Variants in TASP1 observed in about 807,000 individuals in gnomAD.
TASP1 encodes the protein threonine aspartase 1.
Under a neutral mutation model 56.6 loss-of-function variants are expected in TASP1, and 16 were observed. The observed-to-expected ratio is 0.28, with a 90% CI of 0.19 to 0.43. The LOEUF (loss-of-function observed/expected upper bound fraction) is 0.43, where lower values mean the gene tolerates loss of function less well. Ranked by LOEUF, TASP1 falls within the 20% of genes least tolerant of loss-of-function variation. TASP1 has a pLI of 1.00. For synonymous variants in TASP1, 179 were observed against 184.2 expected (o/e 0.97, Z 0.23); for missense variants, 393 against 511.6 (o/e 0.77, Z 2.24).
intron 10 of TASP1, among the ~76,000 whole-genome samples, chr20:13,502,918 G>A (rs186254352): frequency 1.1e-4 from 16 of 152,124 alleles, no homozygotes; most frequent in African/African-American, 2.9e-4. Context: ...GACCCTTATC[G>A]CCCCTCCCCC....
chr20:13,150,566 G>A, the TASP1 span, among the ~76,000 whole-genome samples: 1 of 152,164 alleles, frequency 6.6e-6, no homozygotes, highest in South Asian at 2.1e-4. Context: ...ATAAAACCAA[G>A]GAACACTATT....
intron 12 of TASP1, among the ~76,000 whole-genome samples, chr20:13,423,830 T>G (rs1373493336): frequency 1.3e-5 from 2 of 152,240 alleles, no homozygotes. Context: ...ACAATATATA[T>G]GAAGAATTTC....
At chr20:13,558,782 A>G (rs992346501) in intron 8 of TASP1, among the ~76,000 whole-genome samples, 1 of 152,118 alleles carries the variant, frequency 6.6e-6, no homozygotes, top group African/African-American at 2.4e-5. Context: ...ACTGGTTTAA[A>G]TAAAATATAT....
chr20:13,632,364 C>CAA (rs565886595), intron 1 of TASP1, among the ~76,000 whole-genome samples: 3 of 47,948 alleles, frequency 6.3e-5, no homozygotes, highest in Non-Finnish European at 8.7e-5. Context: ...GACTCCATCT[C>CAA]AAAAAAAAAA....
At chr20:13,208,284 G>C in the TASP1 span, among the ~76,000 whole-genome samples, 27 of 152,304 alleles carry the variant, frequency 1.8e-4, no homozygotes, top group East Asian at 4.8e-3. Context: ...AAAACACACA[G>C]TAGGATCCTA....
At chr20:13,249,573 G>A in the TASP1 span, among the ~76,000 whole-genome samples, 1 of 152,200 alleles carries the variant, frequency 6.6e-6, no homozygotes, top group African/African-American at 2.4e-5. Context: ...TTTCATTTTG[G>A]AAGGAAACCC....
chr20:13,579,601 T>G (rs1024693001), intron 6 of TASP1, among the ~76,000 whole-genome samples: 2 of 152,270 alleles, frequency 1.3e-5, no homozygotes, highest in African/African-American at 4.8e-5. Flanking sequence ...TCTGCCCGCC[T>G]CAGCCTCCCA....
chr20:13,610,110 G>A (rs558136830), intron 4 of TASP1, among the ~76,000 whole-genome samples: 22 of 152,328 alleles, frequency 1.4e-4, no homozygotes, highest in African/African-American at 5.1e-4. Context: ...AGGGGGAAAG[G>A]ATAAAAGAAT....
the TASP1 span, among the ~76,000 whole-genome samples, chr20:13,155,285 C>T: frequency 1.9e-3 from 292 of 152,256 alleles, 4 homozygotes; most frequent in African/African-American, 6.5e-3. Context: ...CAACATACTA[C>T]GCATCAGATT....
At chr20:13,127,532 G>A in the TASP1 span, among the ~76,000 whole-genome samples, 1 of 152,234 alleles carries the variant, frequency 6.6e-6, no homozygotes, top group Non-Finnish European at 1.5e-5. Flanking sequence ...TTCAGTAGAA[G>A]TATGGGGTAC....
chr20:13,274,705 T>C, the TASP1 span, among the ~76,000 whole-genome samples: 1 of 146,392 alleles, frequency 6.8e-6, no homozygotes, highest in African/African-American at 2.5e-5. Context: ...CCTCTTGACT[T>C]TCAGGATAGG....
chr20:13,473,077 G>C (rs1048945933), intron 11 of TASP1, among the ~76,000 whole-genome samples: 5 of 151,978 alleles, frequency 3.3e-5, no homozygotes, highest in African/African-American at 1.2e-4. Flanking sequence ...GCAAAGATTT[G>C]GAACCAACCC....
the TASP1 span, among the ~76,000 whole-genome samples, chr20:13,149,782 T>G: frequency 7.9e-5 from 12 of 152,194 alleles, no homozygotes; most frequent in Admixed American, 7.9e-4. Flanking sequence ...TAGCTGATGA[T>G]CCAGTTTCTT....
the TASP1 span, among the ~76,000 whole-genome samples, chr20:13,176,371 A>G: frequency 6.6e-6 from 1 of 152,138 alleles, no homozygotes; most frequent in South Asian, 2.1e-4. Context: ...TGTGGCCTTT[A>G]TTATGTTGAG....
the TASP1 span, among the ~76,000 whole-genome samples, chr20:13,281,972 T>A: frequency 6.6e-6 from 1 of 152,126 alleles, no homozygotes; most frequent in East Asian, 1.9e-4. Flanking sequence ...ACCACTAGCA[T>A]CACGTGGAAA....
intron 4 of TASP1, 112 bp downstream of exon 4, chr20:13,623,333 TG>T: frequency 1.3e-6 from 1 of 765,936 alleles, no homozygotes; most frequent in Non-Finnish European, 2.1e-6. Context: ...CTAATATTGG[TG>T]GGAAACACTG....
At chr20:13,388,143 A>G (rs2041177910), downstream of TASP1, among the ~76,000 whole-genome samples, 1 of 152,256 alleles carries the variant, frequency 6.6e-6, no homozygotes, top group Non-Finnish European at 1.5e-5. Flanking sequence ...AAAAGTGGGC[A>G]CCTTAAAATA....
intron 7 of TASP1, among the ~76,000 whole-genome samples, chr20:13,563,643 G>A (rs1349840189): frequency 2.0e-5 from 3 of 150,094 alleles, no homozygotes; most frequent in Non-Finnish European, 1.5e-5. Flanking sequence ...ACATTAACAG[G>A]ATGAAGGGAA....
the TASP1 span, among the ~76,000 whole-genome samples, chr20:13,196,403 T>C: frequency 6.6e-6 from 1 of 152,234 alleles, no homozygotes; most frequent in Non-Finnish European, 1.5e-5. Flanking sequence ...AATTCAAATT[T>C]GGTTAATAAC....
Sources: gnomAD v4.1 joint callset for allele counts (sites outside exome capture counted in the v4.1 genomes callset) on GRCh38, gnomAD v4.1.1 for gene constraint, MANE v1.5 for transcripts, NCBI Gene and HGNC (gene_info 2026-07-23, HGNC 2026-07-21) for gene names.